Variants in KCNH8 observed in about 807,000 individuals in gnomAD.
KCNH8 encodes the protein voltage-gated delayed rectifier potassium channel KCNH8.
A neutral mutation model predicts 103.6 loss-of-function variants in KCNH8; 70 were observed. The observed-to-expected ratio is 0.68, with a 90% CI of 0.56 to 0.82. The LOEUF (loss-of-function observed/expected upper bound fraction) is 0.82. Among genes scored for constraint, KCNH8 ranks in the 40% least tolerant of loss-of-function variants. KCNH8 has a pLI of 0.00. For missense variants in KCNH8, 1,217 were observed against 1,329.9 expected (o/e 0.92, Z 1.32); for synonymous variants, 498 against 489.4 (o/e 1.02, Z -0.23).
At chr3:19,259,067 T>C (rs529753701) in intron 2 of KCNH8, among the ~76,000 whole-genome samples, 1 of 149,552 alleles carries the variant, frequency 6.7e-6, no homozygotes, top group African/African-American at 2.4e-5. Flanking sequence ...AACTATTTAT[T>C]TTAAAAGAGA....
intron 1 of KCNH8, among the ~76,000 whole-genome samples, chr3:19,181,107 C>G (rs1242571322): frequency 1.3e-5 from 2 of 151,974 alleles, no homozygotes; most frequent in Non-Finnish European, 2.9e-5. Context: ...TTTTATTTGT[C>G]AAAGCCTATT....
At chr3:19,486,269 G>A (rs910158571) in intron 11 of KCNH8, among the ~76,000 whole-genome samples, 3 of 152,356 alleles carry the variant, frequency 2.0e-5, no homozygotes, top group African/African-American at 7.2e-5. Flanking sequence ...GAACAGGGTG[G>A]TGGGATTTAG....
chr3:19,181,145 T>G (rs1185139115), intron 1 of KCNH8, among the ~76,000 whole-genome samples: 1 of 152,202 alleles, frequency 6.6e-6, no homozygotes, highest in Non-Finnish European at 1.5e-5. Context: ...TTAGTCATAC[T>G]GATACTGAAA....
intron 7 of KCNH8, among the ~76,000 whole-genome samples, chr3:19,407,693 G>A (rs1361085588): frequency 6.6e-6 from 1 of 152,102 alleles, no homozygotes; most frequent in Non-Finnish European, 1.5e-5. Flanking sequence ...GAGGCATTCA[G>A]AGCACCTGTT....
At chr3:19,318,670 CA>C (rs2065309441) in intron 3 of KCNH8, among the ~76,000 whole-genome samples, 3 of 147,884 alleles carry the variant, frequency 2.0e-5, no homozygotes, top group African/African-American at 7.5e-5. Flanking sequence ...TGTACACACA[CA>C]CACACACACA....
At chr3:19,202,091 G>T (rs1252759067) in intron 1 of KCNH8, among the ~76,000 whole-genome samples, 1 of 152,152 alleles carries the variant, frequency 6.6e-6, no homozygotes, top group Non-Finnish European at 1.5e-5. Flanking sequence ...GTTGAGTTAG[G>T]AGAGTTGGGT....
intron 2 of KCNH8, among the ~76,000 whole-genome samples, chr3:19,275,381 A>C (rs1364243603): frequency 6.6e-6 from 1 of 151,912 alleles, no homozygotes; most frequent in Non-Finnish European, 1.5e-5. Context: ...GTGTCAGTTC[A>C]TCTCCTGTCT....
At chr3:19,457,067 C>T (rs927533812) in intron 11 of KCNH8, 85 bp downstream of exon 11, 2 of 859,152 alleles carry the variant, frequency 2.3e-6, no homozygotes, top group Admixed American at 2.5e-5. Flanking sequence ...ATGTCATGAC[C>T]TCACCTTAAA....
intron 5 of KCNH8, among the ~76,000 whole-genome samples, chr3:19,348,527 G>A (rs575027136): frequency 6.6e-6 from 1 of 152,166 alleles, no homozygotes; most frequent in South Asian, 2.1e-4. Context: ...CTAGAATATT[G>A]TGTACCTCAG....
chr3:19,461,375 A>G (rs17005988), intron 11 of KCNH8, among the ~76,000 whole-genome samples: 3,821 of 152,264 alleles, frequency 0.025, 183 homozygotes, highest in African/African-American at 0.086. Flanking sequence ...GCACTCCCCA[A>G]GCATACTGTG....
intron 11 of KCNH8, among the ~76,000 whole-genome samples, chr3:19,473,519 TCTG>T (rs1358235595): frequency 6.6e-6 from 1 of 152,202 alleles, no homozygotes; most frequent in Non-Finnish European, 1.5e-5. Context: ...TGTTTTTCAG[TCTG>T]CTATTTACAT....
chr3:19,285,475 C>T (rs1167674605), intron 3 of KCNH8, among the ~76,000 whole-genome samples: 1 of 152,042 alleles, frequency 6.6e-6, no homozygotes, highest in South Asian at 2.1e-4. Flanking sequence ...ATAATATATG[C>T]AATTCACGTA....
chr3:19,232,567 T>C (rs1559433915), intron 1 of KCNH8, among the ~76,000 whole-genome samples: 2 of 152,190 alleles, frequency 1.3e-5, no homozygotes, highest in South Asian at 4.1e-4. Flanking sequence ...AAAAAGGTAC[T>C]CCTGGTGGAC....
intron 7 of KCNH8, among the ~76,000 whole-genome samples, chr3:19,432,055 T>G (rs934017978): frequency 6.6e-6 from 1 of 152,154 alleles, no homozygotes; most frequent in African/African-American, 2.4e-5. Context: ...TGTTTGCTCT[T>G]GGTAGAACAG....
chr3:19,183,325 T>A (rs1261074730), intron 1 of KCNH8, among the ~76,000 whole-genome samples: 3 of 152,278 alleles, frequency 2.0e-5, no homozygotes, highest in African/African-American at 7.2e-5. Flanking sequence ...CTAAAGATAA[T>A]GTTAAAGAAT....
intron 3 of KCNH8, among the ~76,000 whole-genome samples, chr3:19,287,932 C>T (rs992071739): frequency 6.6e-6 from 1 of 152,018 alleles, no homozygotes; most frequent in African/African-American, 2.4e-5. Flanking sequence ...TTTTTTGAAA[C>T]TTTGGGACAA....
chr3:19,457,018 A>T, intron 11 of KCNH8, 36 bp downstream of exon 11: 3 of 1,400,972 alleles, frequency 2.1e-6, no homozygotes, highest in Non-Finnish European at 3.0e-6. Flanking sequence ...AAGACCTAAT[A>T]ACATTGGGCC....
At chr3:19,191,318 G>T (rs137930334) in intron 1 of KCNH8, among the ~76,000 whole-genome samples, 2 of 151,778 alleles carry the variant, frequency 1.3e-5, no homozygotes, top group South Asian at 4.1e-4. Flanking sequence ...CCGTAAGCTT[G>T]TCAGCGTTGT....
intron 1 of KCNH8, among the ~76,000 whole-genome samples, chr3:19,168,795 C>T (rs1015801890): frequency 7.2e-5 from 11 of 152,190 alleles, no homozygotes; most frequent in African/African-American, 2.2e-4. Context: ...TATGAAAGTT[C>T]ATTATGAAAT....
Sources: allele counts gnomAD v4.1 joint callset (sites outside exome capture counted in the v4.1 genomes callset), GRCh38; gene constraint gnomAD v4.1.1; transcripts MANE v1.5; gene names NCBI Gene and HGNC (gene_info 2026-07-23, HGNC 2026-07-21).